Variants in PCDH15 observed in about 807,000 individuals in gnomAD.
PCDH15 encodes protocadherin-15.
In PCDH15, 129 loss-of-function variants were observed where a neutral mutation model predicts 178.5. That is an observed-to-expected ratio of 0.72 (90% CI 0.63 to 0.84). The LOEUF (loss-of-function observed/expected upper bound fraction) is 0.84, where lower values mean the gene tolerates loss of function less well. Ranked by LOEUF, PCDH15 falls within the 40% of genes least tolerant of loss-of-function variation. PCDH15 has a pLI of 0.00. For missense variants in PCDH15, 2,230 were observed against 2,099.9 expected, an observed-to-expected ratio of 1.06 and a Z score of -1.21; for synonymous variants, 800 against 732.0, an observed-to-expected ratio of 1.09 and a Z score of -1.50.
chr10:54,649,152 A>G (rs2094199253), intron 2 of PCDH15, among the ~76,000 whole-genome samples: 1 of 152,208 alleles, frequency 6.6e-6, no homozygotes, highest in African/African-American at 2.4e-5. Flanking sequence ...CACTAGCGTT[A>G]TAAACAAATA....
chr10:54,815,346 G>A (rs117931283), intron 3 of PCDH15, among the ~76,000 whole-genome samples: 16 of 152,080 alleles, frequency 1.1e-4, no homozygotes, highest in East Asian at 1.9e-4. Context: ...CACAAAGACC[G>A]TACATGGCAC....
At chr10:54,989,138 T>C (rs942977171) in intron 2 of PCDH15, among the ~76,000 whole-genome samples, 3 of 152,106 alleles carry the variant, frequency 2.0e-5, no homozygotes, top group Non-Finnish European at 2.9e-5. Flanking sequence ...GTGCGTAGAA[T>C]TGGGATTTGG....
chr10:53,915,528 A>G (rs1178368286), intron 25 of PCDH15, among the ~76,000 whole-genome samples: 1 of 152,158 alleles, frequency 6.6e-6, no homozygotes, highest in East Asian at 1.9e-4. Context: ...TTGAGTAAAT[A>G]ACTGCTGTCA....
At chr10:54,412,136 T>G (rs1182295537) in intron 3 of PCDH15, among the ~76,000 whole-genome samples, 1 of 151,858 alleles carries the variant, frequency 6.6e-6, no homozygotes, top group Admixed American at 6.6e-5. Context: ...ATGGAGGAAC[T>G]GACAATAGAT....
intron 21 of PCDH15, among the ~76,000 whole-genome samples, chr10:53,991,075 G>A (rs559489475): frequency 4.6e-4 from 70 of 152,154 alleles, no homozygotes; most frequent in Non-Finnish European, 6.3e-4. Context: ...CCTGCAGCCC[G>A]CCATGGCCGA....
chr10:55,074,354 C>T lies in PCDH15; in HGVS notation c.-80+92222G>A, dbSNP rs548604055. The stretch of plus-strand genomic sequence containing the variant: ...ACAGTGTAAAAGTGTTCCTATTTCT[C>T]CACAGTCTTACCAACATCAGTTGTT... On this transcript the variant is annotated intron_variant, in intron 2 of 5. Transcript: ENST00000458638. 2.6e-5 allele frequency among the ~76,000 whole-genome samples: 4 copies of T among 152,238 alleles called. No homozygotes were observed. In the South Asian group the frequency reaches 8.3e-4, roughly 32 times the overall value.
At chr10:54,420,541 G>A (rs1955109665) in intron 3 of PCDH15, among the ~76,000 whole-genome samples, 1 of 152,120 alleles carries the variant, frequency 6.6e-6, no homozygotes, top group Admixed American at 6.6e-5. Flanking sequence ...AAACTAGGAT[G>A]TTTGGGTGTG....
chr10:54,513,077 T>C (rs1589805589), intron 3 of PCDH15, among the ~76,000 whole-genome samples: 1 of 152,132 alleles, frequency 6.6e-6, no homozygotes, highest in South Asian at 2.1e-4. Context: ...ATCAGATTTT[T>C]CATTTTATGA....
intron 10 of PCDH15, among the ~76,000 whole-genome samples, chr10:54,196,296 C>T (rs975832342): frequency 3.7e-4 from 57 of 152,230 alleles, no homozygotes; most frequent in African/African-American, 1.3e-3. Flanking sequence ...GCGCCCACCA[C>T]CACGCATGGC....
intron 3 of PCDH15, among the ~76,000 whole-genome samples, chr10:54,500,319 G>A (rs1331989416): frequency 6.6e-6 from 1 of 151,986 alleles, no homozygotes; most frequent in Non-Finnish European, 1.5e-5. Context: ...GAGGGCAAAG[G>A]TCAAATAACT....
chr10:54,116,934 G>A (rs940135775), intron 15 of PCDH15, among the ~76,000 whole-genome samples: 1 of 152,132 alleles, frequency 6.6e-6, no homozygotes, highest in Non-Finnish European at 1.5e-5. Context: ...TAGCATGCAA[G>A]TGAAAGAAAT....
At chr10:54,996,410 C>A (rs1043487613) in intron 2 of PCDH15, among the ~76,000 whole-genome samples, 3 of 152,146 alleles carry the variant, frequency 2.0e-5, no homozygotes, top group African/African-American at 7.2e-5. Flanking sequence ...GAGAGGAAAA[C>A]ACCCTGGCTG....
intron 3 of PCDH15, among the ~76,000 whole-genome samples, chr10:54,821,034 G>C (rs906506403): frequency 6.6e-6 from 1 of 151,804 alleles, no homozygotes; most frequent in Non-Finnish European, 1.5e-5. Flanking sequence ...CTCTTAATAC[G>C]ACTATCAATT....
At chr10:54,717,597 A>G (rs1204155035) in intron 1 of PCDH15, among the ~76,000 whole-genome samples, 1 of 136,814 alleles carries the variant, frequency 7.3e-6, no homozygotes, top group Non-Finnish European at 1.6e-5. Context: ...CAATCATTAA[A>G]AAGTCAGGAA....
chr10:54,057,001 T>C (rs1040244876), intron 18 of PCDH15, among the ~76,000 whole-genome samples: 1 of 152,218 alleles, frequency 6.6e-6, no homozygotes, highest in African/African-American at 2.4e-5. Flanking sequence ...TTTGACTCCA[T>C]GTGTCACATC....
rs866761105 is a variant in PCDH15, at chr10:55,334,240, A to G, written c.-155-167589T>C. On this transcript the variant is annotated intron_variant, in intron 2 of 5. Transcript: ENST00000613346. ...GTGCTCCATATATATATATATATAT[A>G]TATGTGTGTGTGTGTGTGTGTGTGT... 7.2e-3 allele frequency among the ~76,000 whole-genome samples: 633 copies of G among 88,524 alleles called. 5 individuals carry two copies. Among genetic ancestry groups the G allele is most frequent in the East Asian group, 0.033 (98 of 2,984 alleles). 58.1% of individuals were successfully genotyped at this position (88,524 alleles called of 152,430 possible). A position where few individuals can be genotyped will look rare whatever the true frequency, so the allele number is the denominator to read the frequency against.
Position 55,578,375 on chromosome 10 carries a change from G to A in PCDH15, c.-156+49250C>T, listed in dbSNP as rs559953723. Among the ~76,000 whole-genome samples, 110 of 152,064 alleles carry A rather than the reference G, an allele frequency of 7.2e-4. 2 individuals are homozygous for A. In the South Asian group the frequency reaches 0.022, roughly 31 times the overall value. On this transcript the variant is annotated intron_variant, in intron 2 of 5. Transcript: ENST00000613346. ...TGGGATTACAGGCGCCTGCCACCAA[G>A]CCTGGCTAATTGTTTTTGTATTTTT...
chr10:54,830,421 C>T (rs1953203056), intron 3 of PCDH15, among the ~76,000 whole-genome samples: 1 of 152,092 alleles, frequency 6.6e-6, no homozygotes, highest in African/African-American at 2.4e-5. Context: ...ATGATGAGTT[C>T]ATGTCCTTTG....
At chr10:54,151,742 C>T (rs2044558358) in intron 14 of PCDH15, among the ~76,000 whole-genome samples, 2 of 152,004 alleles carry the variant, frequency 1.3e-5, no homozygotes, top group African/African-American at 2.4e-5. Context: ...TAATATATTC[C>T]TAAGTAATTA....
Sources: gnomAD v4.1 joint callset for allele counts (sites outside exome capture counted in the v4.1 genomes callset) on GRCh38, gnomAD v4.1.1 for gene constraint, MANE v1.5 for transcripts, NCBI Gene and HGNC (gene_info 2026-07-23, HGNC 2026-07-21) for gene names.